Variants in DST observed in about 807,000 individuals in gnomAD.
DST encodes the protein dystonin, also known as bullous pemphigoid antigen.
Under a neutral mutation model 875.2 loss-of-function variants are expected in DST, and 253 were observed. That is an observed-to-expected ratio of 0.29 (90% CI 0.26 to 0.32). The LOEUF is 0.32. DST is among the 10% of genes least tolerant of loss of function. The pLI, the probability that DST is intolerant of heterozygous loss-of-function variation, is 1.00. For missense variants in DST, 8,287 were observed against 9,111.6 expected (o/e 0.91, Z 3.68); for synonymous variants, 3,124 against 3,197.1 (o/e 0.98, Z 0.77).
intron 2 of DST, among the ~76,000 whole-genome samples, chr6:56,946,934 C>T (rs1819811834): frequency 6.6e-6 from 1 of 152,162 alleles, no homozygotes; most frequent in Non-Finnish European, 1.5e-5. Context: ...GAATTACCTG[C>T]AAATTTATTA....
At chr6:56,585,764 GA>G (rs1232757479) in intron 49 of DST, among the ~76,000 whole-genome samples, 1 of 151,376 alleles carries the variant, frequency 6.6e-6, no homozygotes, top group South Asian at 2.1e-4. Flanking sequence ...ACACTGCTTT[GA>G]ATGTGTCCCA....
At chr6:56,508,783 C>T (rs200337657) in intron 74 of DST, 28 bp from the exon 75 acceptor site, 118 of 1,565,344 alleles carry the variant, frequency 7.5e-5, no homozygotes, top group Middle Eastern at 3.4e-4. Flanking sequence ...ATCCACAAGG[C>T]GACTGGTTAG....
rs1041129605 is a variant in DST, at chr6:56,788,208, CT to C, written c.626-52920del. On this transcript the variant is annotated intron_variant, in intron 4 of 103. Coordinates refer to ENST00000680361, the MANE Select transcript of DST (RefSeq NM_001374736.1). Reference sequence around the variant, plus strand: ...CAAGTATCGAAAGTATTAAGTTCTTCTTTTTTTTTTTTGAGACGGAGTCTTG... The same window carrying C: ...CAAGTATCGAAAGTATTAAGTTCTTCTTTTTTTTTTTGAGACGGAGTCTTG... Among the ~76,000 whole-genome samples the C allele has an allele frequency of 2.1e-3, 269 of 128,210 alleles. 1 individual carries two copies. The highest frequency in any genetic ancestry group is 7.5e-3 in the East Asian group (31 of 4,106). 84.1% of individuals were successfully genotyped at this position (128,210 alleles called of 152,430 possible).
chr6:56,705,339 T>C (rs2099328966), intron 5 of DST, among the ~76,000 whole-genome samples: 1 of 152,226 alleles, frequency 6.6e-6, no homozygotes, highest in Non-Finnish European at 1.5e-5. Flanking sequence ...AAGCCCTGTA[T>C]ACAAATGAAT....
intron 2 of DST, among the ~76,000 whole-genome samples, chr6:56,901,367 G>A (rs564247518): frequency 1.3e-5 from 2 of 152,312 alleles, no homozygotes; most frequent in East Asian, 3.9e-4. Context: ...AGGCCAAGGC[G>A]GGTGGATCAC....
intron 4 of DST, among the ~76,000 whole-genome samples, chr6:56,739,138 G>A (rs762285034): frequency 7.4e-5 from 11 of 147,852 alleles, no homozygotes; most frequent in African/African-American, 2.3e-4. Context: ...ATGCTGCAAT[G>A]CCTCTATGCG....
intron 5 of DST, among the ~76,000 whole-genome samples, chr6:56,724,969 TACACAC>T (rs113129301): frequency 6.6e-6 from 1 of 151,330 alleles, no homozygotes; most frequent in Non-Finnish European, 1.5e-5. Context: ...CAGGCTGTTT[TACACAC>T]ACACACACAC....
chr6:56,816,680 T>A (rs545631824), intron 4 of DST, among the ~76,000 whole-genome samples: 19 of 152,218 alleles, frequency 1.2e-4, no homozygotes, highest in African/African-American at 4.6e-4. Flanking sequence ...AGGACTGAGG[T>A]GGCAGTAGTT....
At chr6:56,709,995 C>A (rs2099356661) in intron 5 of DST, among the ~76,000 whole-genome samples, 1 of 152,154 alleles carries the variant, frequency 6.6e-6, no homozygotes, top group Admixed American at 6.5e-5. Context: ...CGCCGGTGGA[C>A]ATAGAGGCTT....
rs1586777575 is a variant in DST at position 56,617,866 on chromosome 6, G to C, written c.4930-3382C>G. 2.2e-5 allele frequency: 18 copies of C among 823,534 alleles called. No individual in the cohort carries two copies. The East Asian group carries it at 4.5e-4, about 21-fold the overall frequency. 51.0% of individuals were successfully genotyped at this position (823,534 alleles called of 1,614,324 possible). A position where few individuals can be genotyped will look rare whatever the true frequency, so the allele number is the denominator to read the frequency against. On this transcript the variant is annotated intron_variant, in intron 36 of 103. Transcript: ENST00000680361. ...AGAGTATAGCATTATTTTCCTGTCA[G>C]AACTACAATGAGCCAATCACATTCA... is the stretch of plus-strand genomic sequence containing the variant.
rs755202054 is a variant in DST at position 56,529,740 on chromosome 6, T to C, written c.17303A>G (p.His5768Arg). 3.8e-6 allele frequency: 6 copies of C among 1,596,856 alleles called. No homozygotes were observed. Among genetic ancestry groups the C allele is most frequent in the Non-Finnish European group, 5.1e-6 (6 of 1,172,318 alleles). The change falls in exon 66 of 104, where the codon CAT becomes CGT. Residue 5768 changes from histidine to arginine, a missense_variant. His to Arg is a conservative substitution (Grantham distance 29, BLOSUM62 0). This residue lies in a region of DST where 777 missense variants were observed against 764.8 expected (regional missense o/e 1.02). Transcript: ENST00000680361. The part of the protein sequence containing the change: ...LEDDIINHNK[H>R]LHQAVSIGQS... ...GCCAATGCTAACAGCCTGGTGTAAA[T>C]GTTTATTGTGATTGATGATGTCATC...
At chr6:56,492,458 G>T in intron 84 of DST, 25 bp from the exon 85 acceptor site, 1 of 1,589,904 alleles carries the variant, frequency 6.3e-7, no homozygotes, top group Non-Finnish European at 8.6e-7. Context: ...AAGGAAATAA[G>T]TAGAAACAAA....
At chr6:56,620,732 G>C in intron 36 of DST, 1 of 1,602,514 alleles carries the variant, frequency 6.2e-7, no homozygotes, top group Non-Finnish European at 8.5e-7. Flanking sequence ...AAGACATTTT[G>C]AAAGTGTCAA....
At chr6:56,646,344 G>A (rs2098942507) in intron 13 of DST, among the ~76,000 whole-genome samples, 162 bp from the exon 14 acceptor site, 1 of 152,146 alleles carries the variant, frequency 6.6e-6, no homozygotes. Flanking sequence ...CCAGCCAGCT[G>A]GTGACGTGGG....
chr6:56,627,159 C>T lies in DST; in HGVS notation c.4722+45G>A, dbSNP rs750012196. On this transcript the variant is annotated intron_variant, in intron 34 of 103. Transcript: ENST00000680361. ...GGCTTTAACAGTACATGTAGAATCA[C>T]AAACCTGAATATTAAATTTTACTAA... is the stretch of plus-strand genomic sequence containing the variant. The T allele has an allele frequency of 8.5e-6, 12 of 1,404,032 alleles. No individual in the cohort carries two copies. In the Admixed American group the frequency reaches 1.7e-4, roughly 20 times the overall value. 87.0% of individuals were successfully genotyped at this position (1,404,032 alleles called of 1,614,324 possible). A position where few individuals can be genotyped will look rare whatever the true frequency, so the allele number is the denominator to read the frequency against.
Position 56,875,676 on chromosome 6 carries a change from G to C in DST, c.418-24072C>G, listed in dbSNP as rs1402024320. 3.3e-5 allele frequency among the ~76,000 whole-genome samples: 5 copies of C among 152,262 alleles called. No individual in the cohort carries two copies. The East Asian group carries it at 9.7e-4, about 30-fold the overall frequency. ...TAATGGACACACCATCAGGCCAGGA[G>C]CAAAGGCTACAGATTATTGGTGTCA... On this transcript the variant is annotated intron_variant, in intron 3 of 103. Coordinates refer to ENST00000680361, the MANE Select transcript of DST (RefSeq NM_001374736.1).
chr6:56,897,707 T>C (rs908614371), intron 3 of DST, among the ~76,000 whole-genome samples: 1 of 152,142 alleles, frequency 6.6e-6, no homozygotes, highest in Non-Finnish European at 1.5e-5. Flanking sequence ...CCTTGCTCAG[T>C]CCCTGGGAGA....
In DST at chr6:56,639,402, T is replaced by C. The variant is rs369290972; in HGVS notation, c.2860-39A>G. On this transcript the variant is annotated intron_variant, in intron 21 of 103. Coordinates refer to ENST00000680361, the MANE Select transcript of DST (RefSeq NM_001374736.1). ...TTAAGAAGTGTGTTAGAAAAATATA[T>C]AAACCTAAAATGCAACCCTAGTATG... The C allele has an allele frequency of 1.1e-5, 17 of 1,612,914 alleles. No individual in the cohort carries two copies. The African/African-American group carries it at 2.1e-4, about 20-fold the overall frequency.
intron 4 of DST, among the ~76,000 whole-genome samples, chr6:56,847,606 A>G (rs968371415): frequency 6.6e-6 from 1 of 152,122 alleles, no homozygotes; most frequent in Non-Finnish European, 1.5e-5. Context: ...TTGTAGTTCC[A>G]TCCCTCTAAA....
Sources: gnomAD v4.1 joint callset for allele counts (sites outside exome capture counted in the v4.1 genomes callset) on GRCh38, gnomAD v4.1.1 for gene constraint, gnomAD v4.1.1 regional missense constraint, MANE v1.5 for transcripts, NCBI Gene and HGNC (gene_info 2026-07-23, HGNC 2026-07-21) for gene names.